CDC42BPB: variants seen among roughly 807,000 people sequenced by gnomAD.
CDC42BPB encodes the protein serine/threonine-protein kinase MRCK beta.
In CDC42BPB, 37 loss-of-function variants were observed where a neutral mutation model predicts 214.9. The observed-to-expected ratio is 0.17, with a 90% CI of 0.13 to 0.23. The LOEUF (loss-of-function observed/expected upper bound fraction) is 0.23. CDC42BPB is among the 10% of genes least tolerant of loss of function. The pLI is 1.00. For synonymous variants in CDC42BPB, 931 were observed against 884.0 expected, an observed-to-expected ratio of 1.05 and a Z score of -0.94; for missense variants, 1,694 against 2,227.0, an observed-to-expected ratio of 0.76 and a Z score of 4.82.
At position 103,057,513 on chromosome 14, in the gene CDC42BPB, G is replaced by T. The variant is rs1299471399; in HGVS notation, c.-340C>A. On this transcript the variant is annotated 5_prime_UTR_variant, in exon 1 of 37. Coordinates refer to ENST00000361246, the MANE Select transcript of CDC42BPB (RefSeq NM_006035.4). Reference sequence around the variant, plus strand: ...CGCCGCAGACTAGGAGCGGCGAGGAGCCTAGCGCTGCGCAAGCCCGGCCGG... The same window carrying T: ...CGCCGCAGACTAGGAGCGGCGAGGATCCTAGCGCTGCGCAAGCCCGGCCGG... 4.9e-5 allele frequency: 8 copies of T among 163,944 alleles called. No individual in the cohort carries two copies. Among genetic ancestry groups the T allele is most frequent in the Middle Eastern group, 3.1e-3 (1 of 324 alleles). The allele number at this position is 163,944 out of a possible 1,614,324, so 10.2% of individuals were successfully genotyped here.
chr14:102,967,729 G>A (rs910201021), intron 16 of CDC42BPB, among the ~76,000 whole-genome samples: 5 of 152,210 alleles, frequency 3.3e-5, no homozygotes, highest in South Asian at 2.1e-4. Flanking sequence ...ATGATCGTAC[G>A]GGACGCCTGT....
At chr14:103,010,290 C>A (rs1488999257) in intron 2 of CDC42BPB, among the ~76,000 whole-genome samples, 1 of 152,048 alleles carries the variant, frequency 6.6e-6, no homozygotes, top group African/African-American at 2.4e-5. Flanking sequence ...CTATCTCAAA[C>A]AAAATAAACA....
At chr14:102,946,389 G>T in intron 28 of CDC42BPB, 79 bp downstream of exon 28, 1 of 1,487,884 alleles carries the variant, frequency 6.7e-7, no homozygotes, top group South Asian at 1.2e-5. Context: ...ACCTTCATCT[G>T]ATTTTCAGAT....
At chr14:102,976,180 T>C in intron 9 of CDC42BPB, 131 bp from the exon 10 acceptor site, 2 of 1,462,118 alleles carry the variant, frequency 1.4e-6, no homozygotes, top group East Asian at 2.4e-5. Flanking sequence ...TAAGACTTTA[T>C]GGTTTATGGA....
chr14:103,049,690 T>C (rs1359806200), intron 1 of CDC42BPB, among the ~76,000 whole-genome samples: 1 of 152,194 alleles, frequency 6.6e-6, no homozygotes, highest in Non-Finnish European at 1.5e-5. Flanking sequence ...CCATGGGGCA[T>C]GGTGGGAAGT....
At chr14:102,969,115 C>T (rs1035367661) in intron 14 of CDC42BPB, among the ~76,000 whole-genome samples, 7 of 152,206 alleles carry the variant, frequency 4.6e-5, no homozygotes, top group African/African-American at 1.4e-4. Flanking sequence ...TGCACCCCAG[C>T]CAGGTTGTAG....
At chr14:102,951,582 A>C (rs1892492299) in intron 24 of CDC42BPB, among the ~76,000 whole-genome samples, 2 of 152,110 alleles carry the variant, frequency 1.3e-5, no homozygotes, top group South Asian at 4.1e-4. Context: ...TGAGGTCAGG[A>C]GTTCGAGACC....
In CDC42BPB at chr14:102,995,178, TC is replaced by T. The variant is rs201883608; in HGVS notation, c.596+4386del. Among the ~76,000 whole-genome samples, 464 of 151,378 alleles carry T rather than the reference TC, an allele frequency of 3.1e-3. 2 individuals are homozygous for T. Among genetic ancestry groups the T allele is most frequent in the African/African-American group, 0.011 (433 of 41,198 alleles). On this transcript the variant is annotated intron_variant, in intron 5 of 36. Transcript: ENST00000361246. ...AGGGATGTGATGTTCTCTCTCTCTC[TC>T]TTTTTTTTTTTTGAGACAGAGTATC...
chr14:102,980,423 T>C lies in CDC42BPB; in HGVS notation c.1140+350A>G, dbSNP rs34006081. Among the ~76,000 whole-genome samples the C allele has an allele frequency of 2.8e-3, 422 of 151,320 alleles. 1 individual carries two copies. Among genetic ancestry groups the C allele is most frequent in the African/African-American group, 9.8e-3 (402 of 41,172 alleles). On this transcript the variant is annotated intron_variant, in intron 8 of 36. Coordinates refer to ENST00000361246, the MANE Select transcript of CDC42BPB (RefSeq NM_006035.4). Reference sequence around the variant, plus strand: ...CAGGAGAATGGCTTGAAACAGGGAGTCAGAGGTTGCAGTGAGCTGAGATTG... The same window carrying C: ...CAGGAGAATGGCTTGAAACAGGGAGCCAGAGGTTGCAGTGAGCTGAGATTG...
chr14:102,975,540 C>T (rs1399873934), intron 11 of CDC42BPB, 144 bp downstream of exon 11: 13 of 899,748 alleles, frequency 1.4e-5, no homozygotes, highest in Admixed American at 7.8e-5. Context: ...AACAACTGAC[C>T]AAAATTTGAG....
intron 5 of CDC42BPB, among the ~76,000 whole-genome samples, chr14:102,995,600 T>C (rs1894691388): frequency 6.6e-6 from 1 of 152,238 alleles, no homozygotes; most frequent in South Asian, 2.1e-4. Context: ...GGTCTGCCAC[T>C]GATTTCCTCA....
At position 102,956,457 on chromosome 14, in the gene CDC42BPB, G is replaced by C. The variant is rs1892709503; in HGVS notation, c.2902-1769C>G. On this transcript the variant is annotated intron_variant, in intron 21 of 36. Transcript: ENST00000361246. ...TTTCTCAAAGACAATTTTCAAAAGA[G>C]TCTGGAAGCTCTAACAGACCCAGCC... 17 of 981,972 alleles carry C rather than the reference G, an allele frequency of 1.7e-5. No individual in the cohort carries two copies. In the South Asian group the frequency reaches 6.6e-4, roughly 38 times the overall value. The allele number at this position is 981,972 out of a possible 1,614,324, so 60.8% of individuals were successfully genotyped here.
rs35810486 is a variant in CDC42BPB at position 103,019,788 on chromosome 14, A to C, written c.176-7600T>G. The stretch of plus-strand genomic sequence containing the variant: ...CCTCCTACCCCGAACTGTCCCCTAA[A>C]GAACTTCTCTTGATGCTCTAGAAAA... On this transcript the variant is annotated intron_variant, in intron 1 of 36. Coordinates refer to ENST00000361246, the MANE Select transcript of CDC42BPB (RefSeq NM_006035.4). 5.0e-3 allele frequency among the ~76,000 whole-genome samples: 762 copies of C among 152,352 alleles called. 4 individuals are homozygous for C. Among genetic ancestry groups the C allele is most frequent in the Non-Finnish European group, 8.2e-3 (556 of 68,032 alleles).
intron 1 of CDC42BPB, among the ~76,000 whole-genome samples, chr14:103,028,024 G>A (rs1887146878): frequency 6.6e-6 from 1 of 152,162 alleles, no homozygotes; most frequent in Non-Finnish European, 1.5e-5. Context: ...CAGCTGCTTG[G>A]GAGGCTGAGG....
At chr14:102,985,379 T>A (rs898808202) in intron 6 of CDC42BPB, among the ~76,000 whole-genome samples, 23 of 150,426 alleles carry the variant, frequency 1.5e-4, no homozygotes, top group African/African-American at 5.7e-4. Context: ...ATGCTCTTGT[T>A]ATACCGTGAC....
intron 1 of CDC42BPB, among the ~76,000 whole-genome samples, chr14:103,036,711 A>G (rs1427376515): frequency 2.0e-5 from 3 of 152,254 alleles, no homozygotes; most frequent in African/African-American, 7.2e-5. Context: ...ATTCTATAGC[A>G]TGTATATCAA....
intron 17 of CDC42BPB, chr14:102,966,651 T>C (rs1215971944): frequency 6.8e-6 from 2 of 293,318 alleles, no homozygotes; most frequent in Non-Finnish European, 1.0e-5. Flanking sequence ...ATATACCTAC[T>C]ACGCACCCAC....
At chr14:103,013,092 A>C (rs1032727741) in intron 1 of CDC42BPB, among the ~76,000 whole-genome samples, 1 of 152,236 alleles carries the variant, frequency 6.6e-6, no homozygotes, top group Non-Finnish European at 1.5e-5. Context: ...TCATCACACA[A>C]AAGTCTCCTA....
At chr14:103,036,028 G>A (rs927656578) in intron 1 of CDC42BPB, among the ~76,000 whole-genome samples, 8 of 152,126 alleles carry the variant, frequency 5.3e-5, no homozygotes, top group African/African-American at 1.7e-4. Context: ...GCACGCACCT[G>A]TAGTACCAGC....
Sources: gnomAD v4.1 joint callset for allele counts (sites outside exome capture counted in the v4.1 genomes callset) on GRCh38, gnomAD v4.1.1 for gene constraint, MANE v1.5 for transcripts, NCBI Gene and HGNC (gene_info 2026-07-23, HGNC 2026-07-21) for gene names.